COMMD10: variants seen among roughly 807,000 people sequenced by gnomAD.
COMMD10 encodes the protein COMM domain containing 10, also known as COMM domain-containing protein 10.
COMMD10 carries 33 observed loss-of-function variants against 28.9 expected under a neutral mutation model. The observed-to-expected ratio is 1.14, with a 90% CI of 0.87 to 1.53. COMMD10 has a LOEUF of 1.53. COMMD10 is among the 40% of genes most tolerant of loss of function. The probability of loss-of-function intolerance (pLI) is 0.00; values close to 1 mark genes in which losing one functional copy is unlikely to be tolerated. For missense variants in COMMD10, 310 were observed against 233.4 expected (o/e 1.33, Z -2.14); for synonymous variants, 110 against 81.7 (o/e 1.35, Z -1.87).
At chr5:116,251,502 C>G (rs1750119057) in intron 5 of COMMD10, among the ~76,000 whole-genome samples, 1 of 144,784 alleles carries the variant, frequency 6.9e-6, no homozygotes, top group Non-Finnish European at 1.5e-5. Flanking sequence ...TCCATGTGAT[C>G]TCATTGTTCA....
At chr5:116,225,353 GAT>G (rs1749365673) in intron 5 of COMMD10, among the ~76,000 whole-genome samples, 1 of 116,512 alleles carries the variant, frequency 8.6e-6, no homozygotes, top group Non-Finnish European at 1.7e-5. Context: ...TTTTTTTGGG[GAT>G]TTTTTTTTTT....
intron 4 of COMMD10, among the ~76,000 whole-genome samples, chr5:116,133,623 C>G (rs76305749): frequency 3.2e-4 from 48 of 152,176 alleles, no homozygotes; most frequent in African/African-American, 1.1e-3. Context: ...CTGTATAGTA[C>G]CTACGCAAAG....
At chr5:116,272,475 A>T (rs189514647) in intron 5 of COMMD10, among the ~76,000 whole-genome samples, 1 of 151,872 alleles carries the variant, frequency 6.6e-6, no homozygotes, top group African/African-American at 2.4e-5. Flanking sequence ...TAATAAGCAG[A>T]TGTTATCATT....
chr5:116,124,516 G>C (rs575059037), intron 4 of COMMD10, among the ~76,000 whole-genome samples: 4 of 152,134 alleles, frequency 2.6e-5, no homozygotes, highest in South Asian at 2.1e-4. Flanking sequence ...GAATAATTGC[G>C]ATGCGGTGCT....
intron 5 of COMMD10, among the ~76,000 whole-genome samples, chr5:116,147,120 A>G (rs1366472099): frequency 3.3e-5 from 5 of 151,836 alleles, no homozygotes; most frequent in Admixed American, 2.0e-4. Context: ...ACCCAGCACC[A>G]TCGGTTCTGT....
intron 1 of COMMD10, among the ~76,000 whole-genome samples, chr5:116,087,204 CTAAAT>C (rs1208488874): frequency 1.3e-5 from 2 of 152,162 alleles, no homozygotes; most frequent in Non-Finnish European, 2.9e-5. Flanking sequence ...AAACGCTCTA[CTAAAT>C]TAAGGCTCTT....
intron 5 of COMMD10, among the ~76,000 whole-genome samples, chr5:116,219,682 A>G (rs7732727): frequency 0.61 from 93,164 of 152,016 alleles, 31,686 homozygotes; most frequent in South Asian, 0.77. Flanking sequence ...GTGAGGGAAT[A>G]TATTTCTTTT....
intron 4 of COMMD10, among the ~76,000 whole-genome samples, chr5:116,129,377 A>G (rs1249701235): frequency 6.9e-6 from 1 of 144,910 alleles, no homozygotes; most frequent in Middle Eastern, 3.3e-3. Flanking sequence ...ATAGTATTTT[A>G]TATATATTAG....
rs182582538 is a variant in COMMD10, at chr5:116,288,603, T to C, written c.511-2914T>C. 2.2e-4 allele frequency among the ~76,000 whole-genome samples: 34 copies of C among 151,914 alleles called. 1 individual carries two copies. The highest frequency in any genetic ancestry group is 8.0e-4 in the African/African-American group (33 of 41,268). On this transcript the variant is annotated intron_variant, in intron 5 of 6. Transcript: ENST00000274458. ...TATATGGACCTGGTTGATATTGTCCTAAATCCCTTATCATCTCTTCACATT... is the reference window on the plus strand; with the variant it reads ...TATATGGACCTGGTTGATATTGTCCCAAATCCCTTATCATCTCTTCACATT...
intron 5 of COMMD10, among the ~76,000 whole-genome samples, chr5:116,264,127 A>T (rs1561398840): frequency 6.6e-6 from 1 of 151,746 alleles, no homozygotes; most frequent in African/African-American, 2.4e-5. Context: ...AATCAAGTCA[A>T]ACTCTTCTGT....
chr5:116,154,724 G>T lies in COMMD10; in HGVS notation c.510+20546G>T, dbSNP rs535785415. On this transcript the variant is annotated intron_variant, in intron 5 of 6. Coordinates refer to ENST00000274458, the MANE Select transcript of COMMD10 (RefSeq NM_016144.4). ...CTCATCTCTGCCAGCCTTGACCACA[G>T]AACTTACTTTTCTTTTTCTTTTTCT... 6.6e-5 allele frequency among the ~76,000 whole-genome samples: 10 copies of T among 152,028 alleles called. No individual in the cohort carries two copies. In the South Asian group the frequency reaches 2.1e-3, roughly 32 times the overall value.
At chr5:116,220,771 C>A (rs1749229296) in intron 5 of COMMD10, among the ~76,000 whole-genome samples, 1 of 152,106 alleles carries the variant, frequency 6.6e-6, no homozygotes, top group Non-Finnish European at 1.5e-5. Flanking sequence ...CAGCTTATAC[C>A]TATTACCCTA....
chr5:116,094,995 A>G (rs776370165), intron 4 of COMMD10, among the ~76,000 whole-genome samples: 1 of 152,214 alleles, frequency 6.6e-6, no homozygotes, highest in Admixed American at 6.5e-5. Context: ...GTAGAATGGT[A>G]GTCACCAGAG....
At position 116,210,237 on chromosome 5, in the gene COMMD10, T is replaced by C. The variant is rs1748924906; in HGVS notation, c.510+76059T>C. Reference sequence around the variant, plus strand: ...ATTTGCAATGGCAATTAAATTTCAATGTGAGTTTTTGAGGAGACAAACCAT... The same window carrying C: ...ATTTGCAATGGCAATTAAATTTCAACGTGAGTTTTTGAGGAGACAAACCAT... On this transcript the variant is annotated intron_variant, in intron 5 of 6. Coordinates refer to ENST00000274458, the MANE Select transcript of COMMD10 (RefSeq NM_016144.4). Among the ~76,000 whole-genome samples, 3 of 152,140 alleles carry C rather than the reference T, an allele frequency of 2.0e-5. No homozygotes were observed. In the South Asian group the frequency reaches 6.2e-4, roughly 31 times the overall value.
chr5:116,289,247 C>A (rs761556157), intron 5 of COMMD10, among the ~76,000 whole-genome samples: 1 of 151,700 alleles, frequency 6.6e-6, no homozygotes, highest in Non-Finnish European at 1.5e-5. Flanking sequence ...AGCTGATAGA[C>A]CTTTGTTTCT....
At chr5:116,292,156 A>T (rs1751381166) in intron 6 of COMMD10, among the ~76,000 whole-genome samples, 1 of 152,106 alleles carries the variant, frequency 6.6e-6, no homozygotes. Flanking sequence ...CATTAAAAAA[A>T]AAATTATGGA....
chr5:116,160,766 A>T (rs1199079853), intron 5 of COMMD10, among the ~76,000 whole-genome samples: 1 of 152,200 alleles, frequency 6.6e-6, no homozygotes, highest in African/African-American at 2.4e-5. Context: ...TAATTAAGGC[A>T]ACATGCATTC....
chr5:116,142,611 A>G (rs890006116), intron 5 of COMMD10, among the ~76,000 whole-genome samples: 1 of 151,796 alleles, frequency 6.6e-6, no homozygotes, highest in African/African-American at 2.4e-5. Flanking sequence ...ATATAACACT[A>G]TTTCAAAAAT....
At chr5:116,134,283 C>T in intron 5 of COMMD10, 105 bp downstream of exon 5, 1 of 627,192 alleles carries the variant, frequency 1.6e-6, no homozygotes, top group East Asian at 2.9e-5. Flanking sequence ...AAACATAATT[C>T]AGTTAAACAG....
Sources: gnomAD v4.1 joint callset for allele counts (sites outside exome capture counted in the v4.1 genomes callset) on GRCh38, gnomAD v4.1.1 for gene constraint, MANE v1.5 for transcripts, NCBI Gene and HGNC (gene_info 2026-07-23, HGNC 2026-07-21) for gene names.